The following TJP1 variants were observed in gnomAD, a reference collection of about 807,000 sequenced individuals.
TJP1 encodes tight junction protein 1.
A neutral mutation model predicts 194.2 loss-of-function variants in TJP1; 43 were observed. That is an observed-to-expected ratio of 0.22 (90% CI 0.17 to 0.29). The LOEUF (loss-of-function observed/expected upper bound fraction) is 0.29. TJP1 is among the 10% of genes least tolerant of loss of function. The pLI is 1.00. For synonymous variants in TJP1, 801 were observed against 779.0 expected (o/e 1.03, Z -0.47); for missense variants, 1,971 against 2,185.7 (o/e 0.90, Z 1.96).
intron 2 of TJP1, among the ~76,000 whole-genome samples, chr15:29,851,825 CTATATCA>C (rs1016701636): frequency 3.9e-5 from 6 of 152,196 alleles, no homozygotes; most frequent in African/African-American, 1.4e-4. Flanking sequence ...TGCCTTCTAC[CTATATCA>C]TATATGTCCA....
intron 12 of TJP1, among the ~76,000 whole-genome samples, chr15:29,733,900 T>C (rs1206087092): frequency 6.6e-6 from 1 of 152,226 alleles, no homozygotes; most frequent in Admixed American, 6.5e-5. Context: ...AGTTTTCTCT[T>C]GAATTAATGC....
At chr15:29,737,668 T>C (rs2044126787) in intron 10 of TJP1, among the ~76,000 whole-genome samples, 1 of 152,198 alleles carries the variant, frequency 6.6e-6, no homozygotes, top group Non-Finnish European at 1.5e-5. Flanking sequence ...ATTTATAAAA[T>C]TACTTTGTAA....
At chr15:29,819,120 T>C (rs1238033626) in intron 1 of TJP1, among the ~76,000 whole-genome samples, 3 of 152,216 alleles carry the variant, frequency 2.0e-5, no homozygotes, top group Non-Finnish European at 4.4e-5. Flanking sequence ...TCTAGGTACA[T>C]ACATATTTTT....
At chr15:29,805,760 G>C (rs1045836159) in intron 1 of TJP1, among the ~76,000 whole-genome samples, 14 of 152,284 alleles carry the variant, frequency 9.2e-5, no homozygotes, top group Admixed American at 8.5e-4. Flanking sequence ...GATAAGAGCT[G>C]TTATGGAAGA....
rs397975539 is a variant in TJP1, at chr15:29,864,237, C to CAAAAAAA, written c.307-63542_307-63536dup. Among the ~76,000 whole-genome samples the CAAAAAAA allele has an allele frequency of 9.2e-3, 175 of 18,944 alleles. 33 individuals carry two copies. The highest frequency in any genetic ancestry group is 0.02 in the East Asian group (8 of 408). 12.4% of individuals were successfully genotyped at this position (18,944 alleles called of 152,430 possible). A position where few individuals can be genotyped will look rare whatever the true frequency, so the allele number is the denominator to read the frequency against. On this transcript the variant is annotated intron_variant, in intron 2 of 28. Coordinates refer to the TJP1 transcript ENST00000356107. ...TGAAACCCCGTCTCTACTAAAAATA[C>CAAAAAAA]AAAAAAAAAAAAAAAAAAAAAAAAA...
intron 2 of TJP1, among the ~76,000 whole-genome samples, chr15:29,869,195 G>A (rs2052408020): frequency 6.6e-6 from 1 of 152,200 alleles, no homozygotes; most frequent in African/African-American, 2.4e-5. Flanking sequence ...GAGAAAGCGA[G>A]GGTGAACAGC....
At chr15:29,893,156 TGTG>T (rs566028935) in intron 2 of TJP1, among the ~76,000 whole-genome samples, 73 of 152,148 alleles carry the variant, frequency 4.8e-4, no homozygotes, top group Non-Finnish European at 9.0e-4. Context: ...TAACTGCAGA[TGTG>T]GGGGGAAATA....
chr15:29,902,448 T>C (rs1435358072), intron 2 of TJP1, among the ~76,000 whole-genome samples: 1 of 152,164 alleles, frequency 6.6e-6, no homozygotes, highest in Non-Finnish European at 1.5e-5. Flanking sequence ...TTAAAAAAAC[T>C]TTCCATTAAA....
At chr15:29,817,342 C>A (rs997307061) in intron 1 of TJP1, among the ~76,000 whole-genome samples, 2 of 152,056 alleles carry the variant, frequency 1.3e-5, no homozygotes, top group African/African-American at 2.4e-5. Flanking sequence ...ACAGATGCTG[C>A]CGAGGCTGTG....
chr15:29,766,170 C>T, intron 5 of TJP1, 96 bp downstream of exon 5: 1 of 1,478,678 alleles, frequency 6.8e-7, no homozygotes. Flanking sequence ...ACAAAGACAA[C>T]AAAGCAAAGA....
At chr15:29,885,444 G>T (rs2053084711) in intron 2 of TJP1, among the ~76,000 whole-genome samples, 1 of 152,198 alleles carries the variant, frequency 6.6e-6, no homozygotes, top group African/African-American at 2.4e-5. Flanking sequence ...AGGCTGCGAG[G>T]CTTTGCTCCT....
intron 2 of TJP1, among the ~76,000 whole-genome samples, chr15:29,927,775 G>A (rs1218292978): frequency 2.0e-5 from 3 of 152,116 alleles, no homozygotes; most frequent in African/African-American, 7.2e-5. Flanking sequence ...ATCCAGGGCT[G>A]AAGGCACATA....
chr15:29,707,678 A>G (rs1256755061), intron 25 of TJP1, among the ~76,000 whole-genome samples: 1 of 152,194 alleles, frequency 6.6e-6, no homozygotes, highest in Non-Finnish European at 1.5e-5. Flanking sequence ...AAGACAGGAA[A>G]GAGGAGCTGC....
chr15:29,746,881 T>C (rs1321675818), intron 8 of TJP1, among the ~76,000 whole-genome samples: 1 of 151,626 alleles, frequency 6.6e-6, no homozygotes, highest in East Asian at 1.9e-4. Flanking sequence ...ATATTCTTAA[T>C]GAGCTGCACT....
chr15:29,959,052 C>T (rs1201151968), intron 1 of TJP1, among the ~76,000 whole-genome samples: 3 of 151,302 alleles, frequency 2.0e-5, no homozygotes, highest in Non-Finnish European at 4.4e-5. Flanking sequence ...TGCAGCGGCG[C>T]GATCTCACCT....
At chr15:29,814,449 T>C (rs1464932815) in intron 1 of TJP1, among the ~76,000 whole-genome samples, 3 of 152,206 alleles carry the variant, frequency 2.0e-5, no homozygotes, top group African/African-American at 7.2e-5. Flanking sequence ...ACTGGTATCC[T>C]CCTGAATTTT....
chr15:29,720,585 T>C lies in TJP1; in HGVS notation c.2536A>G (p.Thr846Ala). 6.2e-7 allele frequency: 1 copy of C among 1,614,136 alleles called. No individual in the cohort carries two copies. Among genetic ancestry groups the C allele is most frequent in the Non-Finnish European group, 8.5e-7 (1 of 1,180,022 alleles). ...GTGTAGGCCCCGCCTTCTGTGTCTG[T>C]GTCTTCATAGTCAGAAGTGTGTCTA... ...DSRHTSDYED[T>A]DTEGGAYTDQ... Residue 846 changes from threonine to alanine, a missense_variant, in exon 19 of 28, where the codon ACA becomes GCA. This residue lies in a region of TJP1 where 402 missense variants were observed against 484.2 expected (regional missense o/e 0.83). Coordinates refer to ENST00000614355, the MANE Select transcript of TJP1 (RefSeq NM_001330239.4).
At chr15:29,938,563 A>G (rs1476880613) in intron 2 of TJP1, among the ~76,000 whole-genome samples, 1 of 152,240 alleles carries the variant, frequency 6.6e-6, no homozygotes, top group Non-Finnish European at 1.5e-5. Context: ...CTTATAAAAC[A>G]GAGCACTATG....
rs763506854 is a variant in TJP1 at position 29,749,209 on chromosome 15, G to A, written c.1011-6428C>T. 8.1e-4 allele frequency among the ~76,000 whole-genome samples: 123 copies of A among 151,776 alleles called. 2 individuals are homozygous for A. The highest frequency in any genetic ancestry group is 3.4e-3 in the Middle Eastern group (1 of 292). On this transcript the variant is annotated intron_variant, in intron 8 of 27. Transcript: ENST00000614355. ...CTAAAGGTAATGACCTTGTTATCTG[G>A]AGGCTATGAGCTAGTTGAAAGCTCT...
Sources: gnomAD v4.1 joint callset for allele counts (sites outside exome capture counted in the v4.1 genomes callset) on GRCh38, gnomAD v4.1.1 for gene constraint, gnomAD v4.1.1 regional missense constraint, MANE v1.5 for transcripts, NCBI Gene and HGNC (gene_info 2026-07-23, HGNC 2026-07-21) for gene names.